The following TRPC4 variants were observed in gnomAD, a reference collection of about 807,000 sequenced individuals.
TRPC4 encodes short transient receptor potential channel 4.
TRPC4 carries 49 observed loss-of-function variants against 99.4 expected under a neutral mutation model. That is an observed-to-expected ratio of 0.49 (90% CI 0.39 to 0.63). The LOEUF (loss-of-function observed/expected upper bound fraction) is 0.63. Among genes scored for constraint, TRPC4 ranks in the 20% least tolerant of loss-of-function variants. The probability of loss-of-function intolerance (pLI) is 0.00; values close to 1 mark genes in which losing one functional copy is unlikely to be tolerated. For missense variants in TRPC4, 898 were observed against 1,152.9 expected, an observed-to-expected ratio of 0.78 and a Z score of 3.20; for synonymous variants, 454 against 425.9, an observed-to-expected ratio of 1.07 and a Z score of -0.81.
At chr13:37,667,226 A>G (rs182549831) in intron 5 of TRPC4, among the ~76,000 whole-genome samples, 22 of 152,002 alleles carry the variant, frequency 1.4e-4, no homozygotes, top group African/African-American at 5.3e-4. Flanking sequence ...AGTACCTCTT[A>G]TTTCTCAGAT....
intron 4 of TRPC4, among the ~76,000 whole-genome samples, chr13:37,690,505 G>A (rs1399960360): frequency 6.6e-6 from 1 of 152,048 alleles, no homozygotes; most frequent in African/African-American, 2.4e-5. Context: ...AGTAGAGATG[G>A]GTGATACTCC....
intron 1 of TRPC4, among the ~76,000 whole-genome samples, chr13:37,858,811 G>C (rs900760735): frequency 6.6e-6 from 1 of 151,340 alleles, no homozygotes; most frequent in African/African-American, 2.4e-5. Context: ...AGAGGGAGTG[G>C]GGACAGTTAA....
chr13:37,662,604 G>C (rs61955483), intron 6 of TRPC4, among the ~76,000 whole-genome samples: 1 of 152,152 alleles, frequency 6.6e-6, no homozygotes, highest in Non-Finnish European at 1.5e-5. Flanking sequence ...TCATGAATAA[G>C]GTATGACTTT....
chr13:37,861,891 T>C (rs1959362341), intron 1 of TRPC4, among the ~76,000 whole-genome samples: 1 of 151,548 alleles, frequency 6.6e-6, no homozygotes, highest in Non-Finnish European at 1.5e-5. Context: ...TTATTTTGCA[T>C]GATAACCCTC....
At chr13:37,859,140 A>G (rs1959201377) in intron 1 of TRPC4, among the ~76,000 whole-genome samples, 1 of 151,590 alleles carries the variant, frequency 6.6e-6, no homozygotes, top group Non-Finnish European at 1.5e-5. Context: ...CATGGTGAAA[A>G]AAGAGGATTC....
chr13:37,838,172 C>G (rs990022642), intron 1 of TRPC4, among the ~76,000 whole-genome samples: 1 of 152,144 alleles, frequency 6.6e-6, no homozygotes, highest in Non-Finnish European at 1.5e-5. Context: ...TGGACTAACA[C>G]ATATTCCAAA....
In TRPC4 at chr13:37,637,423, G is replaced by A. The variant is rs1309076704; in HGVS notation, c.2414C>T (p.Pro805Leu). The A allele has an allele frequency of 3.7e-6, 6 of 1,613,558 alleles. No homozygotes were observed. The highest frequency in any genetic ancestry group is 2.7e-5 in the African/African-American group (2 of 74,846). ...TTCAGAGGCAATTGCTGCTGATCTC[G>A]GATGAATCAGGGTGGTTAAATCAAA... is the stretch of plus-strand genomic sequence containing the variant. ...SLFDLTTLIH[P>L]RSAAIASERH... Residue 805 changes from proline (P) to leucine (L), a missense_variant, in exon 11 of 11, where the codon CCG becomes CTG. Transcript: ENST00000379705.
At position 37,632,977 on chromosome 13, in the gene TRPC4, T is replaced by C. The variant is rs941150267; in HGVS notation, c.*3926A>G. On this transcript the variant is annotated 3_prime_UTR_variant, in exon 11 of 11. Transcript: ENST00000379705. ...TAATGTGATGCCTCATCCAAATATC[T>C]AGATGAGGAGGTTTTTGTTTAAGCC... Among the ~76,000 whole-genome samples, 5 of 152,104 alleles carry C rather than the reference T, an allele frequency of 3.3e-5. No individual in the cohort carries two copies. The highest frequency in any genetic ancestry group is 1.2e-4 in the African/African-American group (5 of 41,430).
chr13:37,842,858 C>T (rs530080297), intron 1 of TRPC4, among the ~76,000 whole-genome samples: 15 of 152,200 alleles, frequency 9.9e-5, no homozygotes, highest in South Asian at 2.1e-4. Flanking sequence ...AGAAATGGAA[C>T]GAAAAGAGTA....
At chr13:37,751,616 C>G (rs1414281702) in intron 2 of TRPC4, among the ~76,000 whole-genome samples, 4 of 152,074 alleles carry the variant, frequency 2.6e-5, no homozygotes, top group Non-Finnish European at 5.9e-5. Context: ...AATATAGCAA[C>G]AGCTTCAGGC....
At chr13:37,813,001 G>GA (rs566430753) in intron 1 of TRPC4, among the ~76,000 whole-genome samples, 5 of 151,034 alleles carry the variant, frequency 3.3e-5, no homozygotes, top group Admixed American at 2.6e-4. Flanking sequence ...CTAAAATATT[G>GA]AAAAAAAAGT....
Position 37,637,529 on chromosome 13 carries a change from C to T in TRPC4, c.2308G>A (p.Glu770Lys), listed in dbSNP as rs1951573518. ...TCTGAGTCTGCCGAATTTGAAGACT[C>T]CTTCGAGGCATTCGCAGATTGTATT... is the stretch of plus-strand genomic sequence containing the variant. ...STIQSANASK[E>K]SSNSADSDEK... The change falls in exon 11 of 11, where the codon GAG (glutamate) becomes AAG (lysine). Residue 770 changes from glutamate (E) to lysine (K), a missense_variant. Physicochemically the swap from Glu to Lys is moderately conservative, Grantham distance 56 (BLOSUM62 1). Around this residue, in one of 3 missense-constraint regions of TRPC4, gnomAD observed 346 missense variants for 351.4 expected, o/e 0.98. Transcript: ENST00000379705. 1 of 1,613,604 alleles carries T rather than the reference C, an allele frequency of 6.2e-7. No homozygotes were observed. Among genetic ancestry groups the T allele is most frequent in the African/African-American group, 1.3e-5 (1 of 74,892 alleles).
chr13:37,816,776 A>T (rs145737494), intron 1 of TRPC4, among the ~76,000 whole-genome samples: 3 of 152,216 alleles, frequency 2.0e-5, no homozygotes, highest in East Asian at 3.9e-4. Flanking sequence ...CAAAAACCAC[A>T]TAATTATCTC....
At chr13:37,657,700 C>G (rs1566074059) in intron 6 of TRPC4, among the ~76,000 whole-genome samples, 1 of 151,958 alleles carries the variant, frequency 6.6e-6, no homozygotes, top group Non-Finnish European at 1.5e-5. Context: ...CAGAATAAAC[C>G]ACTTATTATT....
chr13:37,786,747 T>C (rs1235700203), intron 1 of TRPC4, among the ~76,000 whole-genome samples: 1 of 152,106 alleles, frequency 6.6e-6, no homozygotes, highest in Non-Finnish European at 1.5e-5. Flanking sequence ...ATTTTAAGAA[T>C]GCTTTCATTT....
Position 37,655,008 on chromosome 13 carries a change from G to C in TRPC4, c.1884+80C>G, listed in dbSNP as rs954812327. On this transcript the variant is annotated intron_variant, in intron 7 of 10. Transcript: ENST00000379705. The stretch of plus-strand genomic sequence containing the variant: ...ATAGCTAATTATAGATTTTATTTAC[G>C]ATGATAAGAAGATGGAGTATAGCTA... The C allele has an allele frequency of 5.5e-6, 6 of 1,097,554 alleles. No individual in the cohort carries two copies. In the African/African-American group the frequency reaches 8.2e-5, roughly 15 times the overall value. 68.0% of individuals were successfully genotyped at this position (1,097,554 alleles called of 1,614,324 possible). A position where few individuals can be genotyped will look rare whatever the true frequency, so the allele number is the denominator to read the frequency against.
chr13:37,794,562 A>G (rs1329901047), intron 1 of TRPC4, among the ~76,000 whole-genome samples: 2 of 152,190 alleles, frequency 1.3e-5, no homozygotes, highest in African/African-American at 2.4e-5. Flanking sequence ...GAGAGGATTC[A>G]ATAACCAGAT....
At chr13:37,780,748 A>G (rs1956817472) in intron 2 of TRPC4, among the ~76,000 whole-genome samples, 2 of 152,054 alleles carry the variant, frequency 1.3e-5, no homozygotes, top group Admixed American at 1.3e-4. Context: ...TGTTGCTGAA[A>G]CTTCAGTTTT....
chr13:37,843,758 T>C (rs1431203053), intron 1 of TRPC4, among the ~76,000 whole-genome samples: 2 of 151,948 alleles, frequency 1.3e-5, no homozygotes, highest in East Asian at 1.9e-4. Flanking sequence ...GACAGCAGAA[T>C]AGGAGTTCTC....
Sources: gnomAD v4.1 joint callset for allele counts (sites outside exome capture counted in the v4.1 genomes callset) on GRCh38, gnomAD v4.1.1 for gene constraint, gnomAD v4.1.1 regional missense constraint, MANE v1.5 for transcripts, NCBI Gene and HGNC (gene_info 2026-07-23, HGNC 2026-07-21) for gene names.